The following ARHGAP39 variants were observed in gnomAD, a reference collection of about 807,000 sequenced individuals.
The protein encoded by ARHGAP39 is Rho GTPase activating protein 39, also known as rho GTPase-activating protein 39.
ARHGAP39 carries 44 observed loss-of-function variants against 106.9 expected under a neutral mutation model. The ratio of observed to expected loss-of-function variants is 0.41; its 90% CI spans 0.32 to 0.53. The LOEUF is 0.53. Among genes scored for constraint, ARHGAP39 ranks in the 20% least tolerant of loss-of-function variants. The pLI is 0.21. For synonymous variants in ARHGAP39, 768 were observed against 693.2 expected, an observed-to-expected ratio of 1.11 and a Z score of -1.69; for missense variants, 1,496 against 1,577.3, an observed-to-expected ratio of 0.95 and a Z score of 0.87.
chr8:144,650,654 C>T (rs1478626734), intron 1 of ARHGAP39, among the ~76,000 whole-genome samples: 1 of 152,126 alleles, frequency 6.6e-6, no homozygotes, highest in Non-Finnish European at 1.5e-5. Flanking sequence ...AAGACAAAAA[C>T]CACATGATTA....
chr8:144,645,875 TC>T lies in ARHGAP39; in HGVS notation c.-82+39810del, dbSNP rs1447680494. Among the ~76,000 whole-genome samples, 1 of 152,178 alleles carries T rather than the reference TC, an allele frequency of 6.6e-6. No individual in the cohort carries two copies. On this transcript the variant is annotated intron_variant, in intron 1 of 11. Coordinates refer to ENST00000377307, the MANE Select transcript of ARHGAP39 (RefSeq NM_025251.3). This position sits in a 1 kb window ranked among gnomAD's most constrained non-coding sequence, Gnocchi z 4.4. ...GGAGGACAGAGACACCTGCAGATGC[TC>T]CCGGATGGAGCTGGCCTTGCCTGGG... is the stretch of plus-strand genomic sequence containing the variant.
intron 1 of ARHGAP39, among the ~76,000 whole-genome samples, chr8:144,678,014 G>C (rs1044641964): frequency 2.6e-5 from 4 of 152,164 alleles, no homozygotes; most frequent in African/African-American, 9.7e-5. Context: ...CCCCTGCTGC[G>C]CCAGCCATTC....
intron 7 of ARHGAP39, 83 bp downstream of exon 7, chr8:144,537,638 A>G: frequency 4.9e-6 from 5 of 1,017,314 alleles, no homozygotes; most frequent in East Asian, 2.6e-5. Flanking sequence ...AGAAGCGGTT[A>G]GAGAAGAGAA....
chr8:144,664,622 TTGA>T (rs1230496371), intron 1 of ARHGAP39, among the ~76,000 whole-genome samples: 6 of 152,328 alleles, frequency 3.9e-5, no homozygotes, highest in Admixed American at 1.3e-4. Context: ...GAGGAGGTAA[TTGA>T]ATCACGGGGG....
chr8:144,622,455 C>A (rs533775159), intron 1 of ARHGAP39, among the ~76,000 whole-genome samples: 46 of 152,006 alleles, frequency 3.0e-4, no homozygotes, highest in Non-Finnish European at 4.9e-4. Flanking sequence ...CTCCCAGATA[C>A]TCCGGGCTCT....
At chr8:144,648,081 G>A (rs1434600614) in intron 1 of ARHGAP39, among the ~76,000 whole-genome samples, 2 of 152,188 alleles carry the variant, frequency 1.3e-5, no homozygotes, top group East Asian at 3.8e-4. Flanking sequence ...TGGAAAAGGG[G>A]ATAGAGCCTT....
the ARHGAP39 span, among the ~76,000 whole-genome samples, chr8:144,696,855 T>C: frequency 6.6e-6 from 1 of 152,162 alleles, no homozygotes. Flanking sequence ...GTAACCAACA[T>C]TCTTTCTGTC....
At chr8:144,540,062 G>GGTTT (rs1241090987) in intron 6 of ARHGAP39, among the ~76,000 whole-genome samples, 1 of 152,196 alleles carries the variant, frequency 6.6e-6, no homozygotes, top group Non-Finnish European at 1.5e-5. Context: ...TTTCAGCAAT[G>GGTTT]GTTTGCAGTT....
chr8:144,685,433 G>A (rs1159469338), intron 1 of ARHGAP39, among the ~76,000 whole-genome samples: 2 of 149,816 alleles, frequency 1.3e-5, no homozygotes, highest in Admixed American at 1.3e-4. Context: ...GCGCGCACCC[G>A]GGCCCCGCGC....
In ARHGAP39 at chr8:144,530,888, G is replaced by A. The variant is rs777322640; in HGVS notation, c.2981-17C>T. ...GCAGGGACGCTGGGGACACAGCACG[G>A]GGCTCAGCGGCCCTGCTCGGCGGGC... On this transcript the variant is annotated splice_polypyrimidine_tract_variant and intron_variant, in intron 10 of 11. Transcript: ENST00000377307. 1.3e-6 allele frequency: 2 copies of A among 1,598,576 alleles called. No individual in the cohort carries two copies. The highest frequency in any genetic ancestry group is 1.1e-5 in the South Asian group (1 of 90,564).
rs1479898243 is a variant in ARHGAP39 at position 144,670,340 on chromosome 8, G to C, written c.-82+15346C>G. Among the ~76,000 whole-genome samples, 1 of 152,140 alleles carries C rather than the reference G, an allele frequency of 6.6e-6. No homozygotes were observed. Among genetic ancestry groups the C allele is most frequent in the Non-Finnish European group, 1.5e-5 (1 of 68,024 alleles). ...ACCTGGGACCAGGAGGCTGTGCCCG[G>C]GTTCACCACACTGCTCCATCACCCT... On this transcript the variant is annotated intron_variant, in intron 1 of 11. Coordinates refer to ENST00000377307, the MANE Select transcript of ARHGAP39 (RefSeq NM_025251.3). This position sits in a 1 kb window ranked among gnomAD's most constrained non-coding sequence, Gnocchi z 4.4.
intron 1 of ARHGAP39, 154 bp from the exon 2 acceptor site, chr8:144,605,849 G>A (rs923700142): frequency 3.5e-5 from 20 of 566,840 alleles, no homozygotes; most frequent in African/African-American, 7.5e-5. Context: ...CCACTCCTCA[G>A]TGCTCCTGAT....
Position 144,591,575 on chromosome 8 carries a change from A to G in ARHGAP39, c.81-10298T>C, listed in dbSNP as rs1819397238. Among the ~76,000 whole-genome samples, 1 of 152,172 alleles carries G rather than the reference A, an allele frequency of 6.6e-6. No homozygotes were observed. The highest frequency in any genetic ancestry group is 1.5e-5 in the Non-Finnish European group (1 of 68,028). On this transcript the variant is annotated intron_variant, in intron 2 of 11. Coordinates refer to ENST00000377307, the MANE Select transcript of ARHGAP39 (RefSeq NM_025251.3). This position sits in a 1 kb window ranked among gnomAD's most constrained non-coding sequence, Gnocchi z 5.3. ...TCCTGGCTGGTCCACAGGGAGCAGG[A>G]TGAAGGCTCCGGGAGGCCAGTGGTG...
chr8:144,602,513 G>T (rs1820055224), intron 2 of ARHGAP39, among the ~76,000 whole-genome samples: 1 of 138,544 alleles, frequency 7.2e-6, no homozygotes, highest in African/African-American at 2.7e-5. Flanking sequence ...TGTACATGGA[G>T]GCGTGCATGT....
At chr8:144,601,011 T>C (rs1368452202) in intron 2 of ARHGAP39, among the ~76,000 whole-genome samples, 3 of 144,988 alleles carry the variant, frequency 2.1e-5, no homozygotes, top group African/African-American at 5.2e-5. Flanking sequence ...CCTGTGTGTG[T>C]GCGTGGAGGC....
chr8:144,651,884 C>T (rs954106101), intron 1 of ARHGAP39, among the ~76,000 whole-genome samples: 3 of 151,868 alleles, frequency 2.0e-5, no homozygotes, highest in African/African-American at 4.8e-5. Context: ...ACCAACGGAA[C>T]GAATGGCAAA....
intron 1 of ARHGAP39, among the ~76,000 whole-genome samples, chr8:144,651,858 T>C (rs767920732): frequency 6.6e-5 from 10 of 152,148 alleles, no homozygotes; most frequent in Non-Finnish European, 1.3e-4. Flanking sequence ...AGAATGGTAC[T>C]GGTACAAAAA....
rs115551570 is a variant in ARHGAP39 at position 144,603,058 on chromosome 8, C to T, written c.80+2477G>A. On this transcript the variant is annotated intron_variant, in intron 2 of 11. Transcript: ENST00000377307. ...GTGCGTGGAGGCGTGTGTGTGAGCTCGTGTACCTGTGTGCGTGCGTGGAGG... is the reference window on the plus strand; with the variant it reads ...GTGCGTGGAGGCGTGTGTGTGAGCTTGTGTACCTGTGTGCGTGCGTGGAGG... Among the ~76,000 whole-genome samples the T allele has an allele frequency of 6.7e-3, 771 of 115,158 alleles. 12 individuals carry two copies. The highest frequency in any genetic ancestry group is 0.026 in the African/African-American group (742 of 28,696). The allele number at this position is 115,158 out of a possible 152,430, so 75.5% of individuals were successfully genotyped here.
chr8:144,684,922 TGCACCGCAGC>T lies in ARHGAP39; in HGVS notation c.-82+754_-82+763del, dbSNP rs903623783. Reference sequence around the variant, plus strand: ...GCGCCCCGGGGACAAAGCCCGAGGCTGCACCGCAGCGCACCGCAGCCCTGCACCCGGGCCG... The same window carrying T: ...GCGCCCCGGGGACAAAGCCCGAGGCTGCACCGCAGCCCTGCACCCGGGCCG... On this transcript the variant is annotated intron_variant, in intron 1 of 11. Coordinates refer to ENST00000377307, the MANE Select transcript of ARHGAP39 (RefSeq NM_025251.3). This position sits in a 1 kb window ranked among gnomAD's most constrained non-coding sequence, Gnocchi z 4.4. 1.6e-4 allele frequency among the ~76,000 whole-genome samples: 24 copies of T among 152,282 alleles called. No homozygotes were observed. The South Asian group carries it at 2.1e-3, about 13-fold the overall frequency.
Sources: allele counts gnomAD v4.1 joint callset (sites outside exome capture counted in the v4.1 genomes callset), GRCh38; gene constraint gnomAD v4.1.1; non-coding constraint Gnocchi (gnomAD v3.1); transcripts MANE v1.5; gene names NCBI Gene and HGNC (gene_info 2026-07-23, HGNC 2026-07-21).